MPPED2: variants seen among roughly 807,000 people sequenced by gnomAD.
MPPED2 encodes the protein metallophosphoesterase MPPED2.
Under a neutral mutation model 33.0 loss-of-function variants are expected in MPPED2, and 5 were observed. That is an observed-to-expected ratio of 0.15 (90% CI 0.08 to 0.32). The LOEUF (loss-of-function observed/expected upper bound fraction) is 0.32, where lower values mean the gene tolerates loss of function less well. MPPED2 is among the 10% of genes least tolerant of loss of function. MPPED2 has a pLI of 1.00. For missense variants in MPPED2, 275 were observed against 372.1 expected, an observed-to-expected ratio of 0.74 and a Z score of 2.15; for synonymous variants, 136 against 141.9, an observed-to-expected ratio of 0.96 and a Z score of 0.29.
chr11:30,484,161 C>T (rs1045970000), intron 4 of MPPED2, among the ~76,000 whole-genome samples: 4 of 152,130 alleles, frequency 2.6e-5, no homozygotes, highest in African/African-American at 4.8e-5. Context: ...CACACCAAGA[C>T]ATTGGGCCTG....
At chr11:30,441,730 C>G (rs1949579832) in intron 4 of MPPED2, among the ~76,000 whole-genome samples, 1 of 152,208 alleles carries the variant, frequency 6.6e-6, no homozygotes, top group Non-Finnish European at 1.5e-5. Flanking sequence ...AGCCTTCATT[C>G]TCTTGCCCCT....
At chr11:30,534,854 T>C (rs1023215579) in intron 3 of MPPED2, among the ~76,000 whole-genome samples, 2 of 152,224 alleles carry the variant, frequency 1.3e-5, no homozygotes, top group Admixed American at 1.3e-4. Context: ...GAGAGATGTC[T>C]TATTAAAGAA....
chr11:30,553,895 G>A (rs576739240), intron 2 of MPPED2, among the ~76,000 whole-genome samples: 18 of 152,206 alleles, frequency 1.2e-4, no homozygotes, highest in Non-Finnish European at 2.4e-4. Flanking sequence ...CTGTCAGGGA[G>A]TCATATTGCA....
intron 4 of MPPED2, among the ~76,000 whole-genome samples, chr11:30,467,502 A>G (rs1446952910): frequency 6.6e-6 from 1 of 152,028 alleles, no homozygotes; most frequent in African/African-American, 2.4e-5. Context: ...CCAGTACCTG[A>G]TGGATACTAA....
intron 4 of MPPED2, among the ~76,000 whole-genome samples, chr11:30,482,559 AT>A (rs1394622680): frequency 6.6e-5 from 10 of 152,070 alleles, no homozygotes; most frequent in Non-Finnish European, 1.3e-4. Flanking sequence ...ATATTTAACT[AT>A]TTCCCTTTCA....
chr11:30,498,533 A>G (rs556074264), intron 3 of MPPED2, among the ~76,000 whole-genome samples: 133 of 144,206 alleles, frequency 9.2e-4, no homozygotes, highest in South Asian at 2.0e-3. Flanking sequence ...GGGTGACAAG[A>G]GCAAAACTTG....
chr11:30,523,621 CTTTTTTTTTTTT>C (rs755853042), intron 3 of MPPED2, among the ~76,000 whole-genome samples: 1 of 104,574 alleles, frequency 9.6e-6, no homozygotes, highest in Admixed American at 1.0e-4. Context: ...AGCAACACAT[CTTTTTTTTTTTT>C]TTTTTTTTTT....
At chr11:30,526,415 T>C (rs1253167179) in intron 3 of MPPED2, among the ~76,000 whole-genome samples, 1 of 152,170 alleles carries the variant, frequency 6.6e-6, no homozygotes, top group Non-Finnish European at 1.5e-5. Flanking sequence ...AACTCTAGGA[T>C]GGTTGCTAGG....
chr11:30,578,628 C>T (rs942232246), intron 2 of MPPED2, among the ~76,000 whole-genome samples: 1 of 152,262 alleles, frequency 6.6e-6, no homozygotes, highest in Middle Eastern at 3.4e-3. Flanking sequence ...CAGTCATTTT[C>T]CAAGGAATCT....
intron 4 of MPPED2, among the ~76,000 whole-genome samples, chr11:30,449,002 T>C (rs761256458): frequency 6.6e-6 from 1 of 152,218 alleles, no homozygotes; most frequent in Non-Finnish European, 1.5e-5. Flanking sequence ...TCATAGTACT[T>C]ACCATAATTC....
intron 4 of MPPED2, among the ~76,000 whole-genome samples, chr11:30,437,576 A>G (rs916278710): frequency 2.0e-5 from 3 of 152,176 alleles, no homozygotes; most frequent in African/African-American, 7.2e-5. Context: ...TTCTGGATCC[A>G]CACTTATCTG....
intron 4 of MPPED2, among the ~76,000 whole-genome samples, chr11:30,423,896 C>G (rs941192541): frequency 2.4e-4 from 37 of 152,262 alleles, no homozygotes; most frequent in African/African-American, 7.5e-4. Flanking sequence ...CCCTCCTGCT[C>G]CAGACTTTTG....
chr11:30,435,740 C>T lies in MPPED2; in HGVS notation c.537-18107G>A, dbSNP rs57290795. On this transcript the variant is annotated intron_variant, in intron 4 of 6. Coordinates refer to ENST00000358117, the MANE Select transcript of MPPED2 (RefSeq NM_001584.3). ...TGGACTGGAATTTCCAGCTCTGCCT[C>T]TACCAACCACTGTCAACTCTGCCCC... 3.5e-4 allele frequency among the ~76,000 whole-genome samples: 53 copies of T among 152,308 alleles called. No individual in the cohort carries two copies. In the East Asian group the frequency reaches 8.3e-3, roughly 24 times the overall value.
At chr11:30,439,898 C>G (rs1282649147) in intron 4 of MPPED2, among the ~76,000 whole-genome samples, 1 of 152,200 alleles carries the variant, frequency 6.6e-6, no homozygotes, top group African/African-American at 2.4e-5. Context: ...TCAGTTTTCT[C>G]TGGTATAAAT....
intron 4 of MPPED2, among the ~76,000 whole-genome samples, chr11:30,483,472 A>C: frequency 6.6e-6 from 1 of 152,202 alleles, no homozygotes; most frequent in South Asian, 2.1e-4. Context: ...TTTTCCCCTT[A>C]AATCATAACA....
At chr11:30,445,462 A>G in intron 4 of MPPED2, among the ~76,000 whole-genome samples, 1 of 152,196 alleles carries the variant, frequency 6.6e-6, no homozygotes, top group Non-Finnish European at 1.5e-5. Flanking sequence ...TTATGGTAAA[A>G]TATGCATAAC....
intron 3 of MPPED2, among the ~76,000 whole-genome samples, chr11:30,499,976 A>G (rs952544807): frequency 1.3e-5 from 2 of 152,200 alleles, no homozygotes; most frequent in Non-Finnish European, 2.9e-5. Flanking sequence ...ACTGACCTCC[A>G]GTCTGCCAAG....
intron 3 of MPPED2, among the ~76,000 whole-genome samples, chr11:30,506,085 G>A (rs984355529): frequency 1.3e-5 from 2 of 152,014 alleles, no homozygotes; most frequent in African/African-American, 4.8e-5. Context: ...TCACCCGGGT[G>A]AGAGTGCAGT....
intron 4 of MPPED2, among the ~76,000 whole-genome samples, chr11:30,461,247 C>T (rs749104043): frequency 6.6e-6 from 1 of 151,980 alleles, no homozygotes; most frequent in Non-Finnish European, 1.5e-5. Context: ...TAATGGATAC[C>T]GAGTTTCAGT....
Sources: allele counts gnomAD v4.1 joint callset (sites outside exome capture counted in the v4.1 genomes callset), GRCh38; gene constraint gnomAD v4.1.1; transcripts MANE v1.5; gene names NCBI Gene and HGNC (gene_info 2026-07-23, HGNC 2026-07-21).